The following SCIN variants were observed in gnomAD, a reference collection of about 807,000 sequenced individuals.
SCIN encodes the protein scinderin, also known as adseverin.
A neutral mutation model predicts 91.8 loss-of-function variants in SCIN; 91 were observed. The ratio of observed to expected loss-of-function variants is 0.99; its 90% CI spans 0.84 to 1.18. SCIN has a LOEUF of 1.18. SCIN is among the 50% of genes most tolerant of loss of function. The probability of loss-of-function intolerance (pLI) is 0.00; values close to 1 mark genes in which losing one functional copy is unlikely to be tolerated. For missense variants in SCIN, 1,087 were observed against 863.9 expected (o/e 1.26, Z -3.24); for synonymous variants, 367 against 312.6 (o/e 1.17, Z -1.84).
intron 3 of SCIN, among the ~76,000 whole-genome samples, chr7:12,587,012 T>C (rs988818760): frequency 6.6e-6 from 1 of 152,122 alleles, no homozygotes; most frequent in Non-Finnish European, 1.5e-5. Flanking sequence ...GTTCTACTGT[T>C]GTATAGTGCT....
At chr7:12,610,486 T>A (rs984949580) in intron 4 of SCIN, among the ~76,000 whole-genome samples, 11 of 152,230 alleles carry the variant, frequency 7.2e-5, no homozygotes, top group Non-Finnish European at 1.6e-4. Context: ...TATATTTGTG[T>A]AGCCCTCACA....
At chr7:12,634,057 A>C (rs1026496902) in intron 9 of SCIN, among the ~76,000 whole-genome samples, 1 of 151,116 alleles carries the variant, frequency 6.6e-6, no homozygotes, top group African/African-American at 2.4e-5. Context: ...TAAGATACAC[A>C]CCCTGTTCCC....
chr7:12,601,537 T>A (rs1235970173), intron 3 of SCIN, among the ~76,000 whole-genome samples: 1 of 152,226 alleles, frequency 6.6e-6, no homozygotes, highest in African/African-American at 2.4e-5. Flanking sequence ...CCAAGCACAG[T>A]GCAAATGTAT....
intron 3 of SCIN, 103 bp from the exon 4 acceptor site, chr7:12,604,411 A>G: frequency 3.9e-6 from 4 of 1,018,972 alleles, no homozygotes; most frequent in Non-Finnish European, 5.7e-6. Flanking sequence ...ACAATAGGTC[A>G]TTTAATTTTC....
chr7:12,638,126 G>A (rs1210974839), intron 10 of SCIN, among the ~76,000 whole-genome samples: 2 of 152,100 alleles, frequency 1.3e-5, no homozygotes, highest in African/African-American at 4.8e-5. Flanking sequence ...TTGGGTCTTT[G>A]TTTTTTAGAT....
At chr7:12,611,653 A>G (rs985963631) in intron 4 of SCIN, among the ~76,000 whole-genome samples, 5 of 152,222 alleles carry the variant, frequency 3.3e-5, no homozygotes, top group African/African-American at 1.2e-4. Context: ...AAGTACTAGT[A>G]ATTGAAATGG....
At chr7:12,617,124 G>T (rs529019717) in intron 4 of SCIN, among the ~76,000 whole-genome samples, 1 of 152,210 alleles carries the variant, frequency 6.6e-6, no homozygotes, top group South Asian at 2.1e-4. Context: ...CAAAGGATTA[G>T]TCCAGTAATT....
At chr7:12,599,542 G>T (rs1217029180) in intron 3 of SCIN, among the ~76,000 whole-genome samples, 1 of 151,976 alleles carries the variant, frequency 6.6e-6, no homozygotes, top group Non-Finnish European at 1.5e-5. Flanking sequence ...ACCTATTAGT[G>T]GGTTTGCTGG....
intron 14 of SCIN, among the ~76,000 whole-genome samples, chr7:12,650,537 T>A (rs1348549210): frequency 1.3e-5 from 2 of 152,210 alleles, no homozygotes; most frequent in Admixed American, 1.3e-4. Flanking sequence ...TCATGGTTTG[T>A]TCTGTTCCCT....
chr7:12,628,976 C>A, intron 8 of SCIN, 125 bp from the exon 9 acceptor site: 2 of 783,832 alleles, frequency 2.6e-6, no homozygotes, highest in East Asian at 2.9e-5. Flanking sequence ...GATTTGTAAA[C>A]TAGTTAATAA....
At chr7:12,578,747 A>G (rs1216486621) in intron 2 of SCIN, among the ~76,000 whole-genome samples, 2 of 151,938 alleles carry the variant, frequency 1.3e-5, no homozygotes, top group Admixed American at 6.6e-5. Flanking sequence ...TGCAGATGAA[A>G]ATTTTGAGCT....
chr7:12,621,706 T>C (rs1031051616), intron 4 of SCIN, among the ~76,000 whole-genome samples: 3 of 149,568 alleles, frequency 2.0e-5, no homozygotes, highest in African/African-American at 7.3e-5. Flanking sequence ...TACAATCATT[T>C]AGCATGTACA....
chr7:12,648,098 C>G (rs1207939571), intron 13 of SCIN, among the ~76,000 whole-genome samples: 2 of 151,900 alleles, frequency 1.3e-5, no homozygotes, highest in Non-Finnish European at 2.9e-5. Flanking sequence ...TAATACATGC[C>G]CATTGGTATG....
At chr7:12,588,190 A>G (rs1056652758) in intron 3 of SCIN, among the ~76,000 whole-genome samples, 1 of 152,228 alleles carries the variant, frequency 6.6e-6, no homozygotes, top group Non-Finnish European at 1.5e-5. Flanking sequence ...AATGGGAAAG[A>G]TACACCAAAT....
chr7:12,658,227 G>A lies in SCIN; in HGVS notation c.*5512G>A, dbSNP rs867099888. ...CAAATTTGAGTTTTCCTAATTATTT[G>A]ACATTGTCATTAGCTTGTGATCCTT... On this transcript the variant is annotated 3_prime_UTR_variant, in exon 16 of 16. Coordinates refer to ENST00000297029, the MANE Select transcript of SCIN (RefSeq NM_001112706.3). 1 of 152,184 alleles carries A rather than the reference G, an allele frequency of 6.6e-6. No individual in the cohort carries two copies. The highest frequency in any genetic ancestry group is 2.4e-5 in the African/African-American group (1 of 41,440). The allele number at this position is 152,184 out of a possible 1,614,324, so 9.4% of individuals were successfully genotyped here. A position where few individuals can be genotyped will look rare whatever the true frequency, so the allele number is the denominator to read the frequency against.
At chr7:12,579,928 A>G (rs1782454413) in intron 2 of SCIN, among the ~76,000 whole-genome samples, 1 of 152,200 alleles carries the variant, frequency 6.6e-6, no homozygotes, top group Non-Finnish European at 1.5e-5. Context: ...ACAGGAGTAC[A>G]TAGATGAAAA....
At chr7:12,625,902 T>A (rs760258518) in intron 7 of SCIN, 52 bp downstream of exon 7, 9 of 1,283,318 alleles carry the variant, frequency 7.0e-6, no homozygotes, top group Non-Finnish European at 1.0e-5. Flanking sequence ...TTGGAGCTCA[T>A]GACATCTCCA....
At position 12,656,929 on chromosome 7, in the gene SCIN, A is replaced by G. The variant is rs1422020873; in HGVS notation, c.*4214A>G. ...TGAGAGTCTCCGTCTCGGGGGAAGA[A>G]AAAAAAAACCTGTAAAAAGTGGCTC... On this transcript the variant is annotated 3_prime_UTR_variant, in exon 16 of 16. Transcript: ENST00000297029. 6.7e-6 allele frequency: 1 copy of G among 149,410 alleles called. No homozygotes were observed. The highest frequency in any genetic ancestry group is 1.5e-5 in the Non-Finnish European group (1 of 67,574). The allele number at this position is 149,410 out of a possible 1,614,324, so 9.3% of individuals were successfully genotyped here.
At chr7:12,618,729 A>G (rs1783347713) in intron 4 of SCIN, among the ~76,000 whole-genome samples, 1 of 152,148 alleles carries the variant, frequency 6.6e-6, no homozygotes. Flanking sequence ...CTTCACTCTT[A>G]CAATTTATTT....
Sources: gnomAD v4.1 joint callset for allele counts (sites outside exome capture counted in the v4.1 genomes callset) on GRCh38, gnomAD v4.1.1 for gene constraint, MANE v1.5 for transcripts, NCBI Gene and HGNC (gene_info 2026-07-23, HGNC 2026-07-21) for gene names.